RYR3: variants seen among roughly 807,000 people sequenced by gnomAD.
The protein encoded by RYR3 is brain ryanodine receptor-calcium release channel.
Under a neutral mutation model 584.3 loss-of-function variants are expected in RYR3, and 207 were observed. The ratio of observed to expected loss-of-function variants is 0.35; its 90% CI spans 0.32 to 0.40. The LOEUF is 0.40. Ranked by LOEUF, RYR3 falls within the 10% of genes least tolerant of loss-of-function variation. The pLI, the probability that RYR3 is intolerant of heterozygous loss-of-function variation, is 1.00. For synonymous variants in RYR3, 2,416 were observed against 2,248.5 expected (o/e 1.07, Z -2.11); for missense variants, 5,616 against 6,089.2 (o/e 0.92, Z 2.59).
chr15:33,357,906 T>C (rs1160370096), intron 1 of RYR3, among the ~76,000 whole-genome samples: 2 of 152,178 alleles, frequency 1.3e-5, no homozygotes, highest in Non-Finnish European at 2.9e-5. Context: ...TTGGATCAGA[T>C]GGAAAAACTT....
intron 88 of RYR3, 25 bp from the exon 89 acceptor site, chr15:33,837,606 A>T (rs768023997): frequency 1.3e-6 from 2 of 1,536,022 alleles, no homozygotes; most frequent in African/African-American, 2.8e-5. Flanking sequence ...GTATATTTGT[A>T]TGTCTTTTTG....
intron 1 of RYR3, among the ~76,000 whole-genome samples, chr15:33,334,534 A>C (rs1469880479): frequency 2.0e-5 from 3 of 152,204 alleles, no homozygotes; most frequent in Non-Finnish European, 4.4e-5. Flanking sequence ...AATTAACTCA[A>C]GATGGATTAA....
At chr15:33,681,152 C>T (rs1247890207) in intron 38 of RYR3, among the ~76,000 whole-genome samples, 1 of 152,192 alleles carries the variant, frequency 6.6e-6, no homozygotes, top group Non-Finnish European at 1.5e-5. Context: ...CTCTTGGGTC[C>T]CAGTTTCTGT....
rs144744268 is a variant in RYR3 at position 33,350,900 on chromosome 15, T to C, written c.51+39804T>C. Among the ~76,000 whole-genome samples, 10 of 151,832 alleles carry C rather than the reference T, an allele frequency of 6.6e-5. No individual in the cohort carries two copies. In the East Asian group the frequency reaches 1.9e-3, roughly 29 times the overall value. ...TCAAAAGCTAGCAGAAGGCAAGAAA[T>C]AACCAAAGTCAGAGCAGAACTGAAG... On this transcript the variant is annotated intron_variant, in intron 1 of 103. Coordinates refer to ENST00000634891, the MANE Select transcript of RYR3 (RefSeq NM_001036.6).
At chr15:33,435,711 C>G (rs1045035556) in intron 1 of RYR3, among the ~76,000 whole-genome samples, 2 of 152,190 alleles carry the variant, frequency 1.3e-5, no homozygotes, top group African/African-American at 4.8e-5. Flanking sequence ...GATTGTTCCT[C>G]CCGGTAGGTT....
At chr15:33,688,424 T>C (rs1425838893) in intron 38 of RYR3, among the ~76,000 whole-genome samples, 1 of 151,476 alleles carries the variant, frequency 6.6e-6, no homozygotes, top group Non-Finnish European at 1.5e-5. Flanking sequence ...ATACAAAAAA[T>C]TAGCCAGGCG....
intron 1 of RYR3, among the ~76,000 whole-genome samples, chr15:33,469,462 C>G (rs929847438): frequency 6.6e-6 from 1 of 151,806 alleles, no homozygotes; most frequent in African/African-American, 2.4e-5. Flanking sequence ...CAAATAATAG[C>G]CTTGTCTTGG....
At chr15:33,314,500 T>C (rs1211551445) in intron 1 of RYR3, among the ~76,000 whole-genome samples, 1 of 152,204 alleles carries the variant, frequency 6.6e-6, no homozygotes, top group African/African-American at 2.4e-5. Context: ...CTTTTTCCTT[T>C]AGACTACAGT....
At position 33,311,307 on chromosome 15, in the gene RYR3, G is replaced by T. The variant is rs1465157886; in HGVS notation, c.51+211G>T. 6.6e-6 allele frequency among the ~76,000 whole-genome samples: 1 copy of T among 152,184 alleles called. No individual in the cohort carries two copies. The highest frequency in any genetic ancestry group is 1.5e-5 in the Non-Finnish European group (1 of 68,016). ...GGGCACCATCTCCTGCCTCTCCCTT[G>T]TTCCCCTACCGCCACCCCTGCCCCA... On this transcript the variant is annotated intron_variant, in intron 1 of 103. Transcript: ENST00000634891. This position sits in a 1 kb window ranked among gnomAD's most constrained non-coding sequence, Gnocchi z 4.4.
chr15:33,530,712 A>G, intron 4 of RYR3, 46 bp downstream of exon 4: 1 of 1,404,110 alleles, frequency 7.1e-7, no homozygotes, highest in Non-Finnish European at 1.0e-6. Flanking sequence ...GAGAAGGAAA[A>G]ACTGAAGAGG....
chr15:33,852,328 A>G (rs1347625146), intron 94 of RYR3: 2 of 152,176 alleles, frequency 1.3e-5, no homozygotes, highest in East Asian at 3.9e-4. Flanking sequence ...TGAAGATGAC[A>G]GTTCTTTCTT....
chr15:33,626,007 C>A (rs1400889007), intron 20 of RYR3, among the ~76,000 whole-genome samples: 1 of 152,198 alleles, frequency 6.6e-6, no homozygotes, highest in East Asian at 1.9e-4. Flanking sequence ...AGCTTGAAGG[C>A]CAAGGCCTGA....
chr15:33,488,581 T>TGC (rs2050683391), intron 2 of RYR3, among the ~76,000 whole-genome samples: 1 of 151,984 alleles, frequency 6.6e-6, no homozygotes, highest in African/African-American at 2.4e-5. Context: ...TGGCCGGGCA[T>TGC]GGTGGCTGAT....
intron 1 of RYR3, among the ~76,000 whole-genome samples, chr15:33,403,336 G>A (rs75785797): frequency 0.07 from 10,727 of 152,258 alleles, 547 homozygotes; most frequent in Non-Finnish European, 0.11. Flanking sequence ...TTGTGAAGCG[G>A]AGCAAATCTA....
At chr15:33,733,942 G>A (rs925946425) in intron 48 of RYR3, among the ~76,000 whole-genome samples, 2 of 152,102 alleles carry the variant, frequency 1.3e-5, no homozygotes, top group Non-Finnish European at 2.9e-5. Flanking sequence ...TTGTAAAAAG[G>A]ATAATCTCAT....
chr15:33,528,538 G>A (rs2054585004), intron 3 of RYR3, among the ~76,000 whole-genome samples: 1 of 152,074 alleles, frequency 6.6e-6, no homozygotes, highest in South Asian at 2.1e-4. Context: ...GTTTCCATTT[G>A]TAACATCATT....
At chr15:33,531,733 AC>A (rs2054892225) in intron 4 of RYR3, among the ~76,000 whole-genome samples, 1 of 152,116 alleles carries the variant, frequency 6.6e-6, no homozygotes, top group African/African-American at 2.4e-5. Context: ...AAGACGAAAA[AC>A]AAAAATGTCC....
At chr15:33,740,395 C>T (rs1323918178) in intron 51 of RYR3, among the ~76,000 whole-genome samples, 1 of 152,138 alleles carries the variant, frequency 6.6e-6, no homozygotes, top group Non-Finnish European at 1.5e-5. Flanking sequence ...CCATAAATAA[C>T]ACTCAGCTGT....
intron 1 of RYR3, among the ~76,000 whole-genome samples, chr15:33,369,607 TATCC>T (rs1359542766): frequency 1.3e-5 from 2 of 152,178 alleles, no homozygotes; most frequent in East Asian, 1.9e-4. Context: ...TCTGTCTGTC[TATCC>T]ATCCATCCAT....
Sources: gnomAD v4.1 joint callset for allele counts (sites outside exome capture counted in the v4.1 genomes callset) on GRCh38, gnomAD v4.1.1 for gene constraint, Gnocchi (gnomAD v3.1) non-coding constraint, MANE v1.5 for transcripts, NCBI Gene and HGNC (gene_info 2026-07-23, HGNC 2026-07-21) for gene names.